GALK2: variants seen among roughly 807,000 people sequenced by gnomAD.
GALK2 encodes the protein galactokinase 2, also known as N-acetylgalactosamine kinase.
A neutral mutation model predicts 52.4 loss-of-function variants in GALK2; 36 were observed. That is an observed-to-expected ratio of 0.69 (90% CI 0.53 to 0.91). The LOEUF is 0.91. Among genes scored for constraint, GALK2 ranks in the 40% least tolerant of loss-of-function variants. The probability of loss-of-function intolerance (pLI) is 0.00; values close to 1 mark genes in which losing one functional copy is unlikely to be tolerated. For missense variants in GALK2, 579 were observed against 559.1 expected (o/e 1.04, Z -0.36); for synonymous variants, 176 against 199.1 (o/e 0.88, Z 0.98).
intron 5 of GALK2, among the ~76,000 whole-genome samples, chr15:49,246,765 A>C (rs1225144603): frequency 6.6e-6 from 1 of 152,310 alleles, no homozygotes; most frequent in East Asian, 1.9e-4. Flanking sequence ...AATAACATGT[A>C]TAATACTGGA....
At chr15:49,349,232 A>G (rs1035945842) in intron 3 of GALK2, among the ~76,000 whole-genome samples, 3 of 152,186 alleles carry the variant, frequency 2.0e-5, no homozygotes, top group African/African-American at 7.2e-5. Context: ...GTGGCTGACA[A>G]TACTTACAAT....
chr15:49,164,729 C>T (rs975070022), intron 1 of GALK2, among the ~76,000 whole-genome samples: 3 of 140,410 alleles, frequency 2.1e-5, no homozygotes, highest in African/African-American at 5.5e-5. Flanking sequence ...TGCAGTGAGC[C>T]GAGATCATGC....
In GALK2 at chr15:49,274,754, A is replaced by T. The variant is rs183858720; in HGVS notation, c.505-7233A>T. ...CTGTGAGCTCTTTTCTATTTTTAAAATTTTTTAATTTTTTAACGTTTTAAA... is the reference window on the plus strand; with the variant it reads ...CTGTGAGCTCTTTTCTATTTTTAAATTTTTTTAATTTTTTAACGTTTTAAA... On this transcript the variant is annotated intron_variant, in intron 5 of 9. Coordinates refer to ENST00000560031, the MANE Select transcript of GALK2 (RefSeq NM_002044.4). 8.2e-3 allele frequency among the ~76,000 whole-genome samples: 1,248 copies of T among 152,212 alleles called. 22 individuals are homozygous for T. The highest frequency in any genetic ancestry group is 0.029 in the African/African-American group (1,199 of 41,530).
Position 49,329,222 on chromosome 15 carries a change from G to A in GALK2, c.*1063G>A, listed in dbSNP as rs752246309. On this transcript the variant is annotated 3_prime_UTR_variant, in exon 10 of 10. Transcript: ENST00000560031. ...GAATTCTGGGATTTGTAATGGTATT[G>A]ATGGGTATCTCTGTATGTATATCAA... The A allele has an allele frequency of 3.5e-5, 35 of 986,314 alleles. No homozygotes were observed. Among genetic ancestry groups the A allele is most frequent in the Non-Finnish European group, 3.9e-5 (32 of 830,658 alleles). The allele number at this position is 986,314 out of a possible 1,614,324, so 61.1% of individuals were successfully genotyped here. A position where few individuals can be genotyped will look rare whatever the true frequency, so the allele number is the denominator to read the frequency against.
At chr15:49,261,223 TG>T (rs1239430602) in intron 5 of GALK2, among the ~76,000 whole-genome samples, 1 of 148,924 alleles carries the variant, frequency 6.7e-6, no homozygotes, top group Non-Finnish European at 1.5e-5. Flanking sequence ...TCCATTTGTT[TG>T]TATCCTCTTT....
intron 8 of GALK2, among the ~76,000 whole-genome samples, chr15:49,294,665 A>C (rs1024164055): frequency 6.6e-6 from 1 of 152,188 alleles, no homozygotes; most frequent in Non-Finnish European, 1.5e-5. Context: ...TAATCAGGAC[A>C]CAGTCTCTAC....
At chr15:49,229,261 G>A (rs2090366647) in intron 3 of GALK2, among the ~76,000 whole-genome samples, 3 of 152,290 alleles carry the variant, frequency 2.0e-5, no homozygotes, top group African/African-American at 4.8e-5. Context: ...GATTTCCTCA[G>A]TGACTTAGGA....
At chr15:49,335,420 T>A, downstream of GALK2, 1 of 1,597,758 alleles carries the variant, frequency 6.3e-7, no homozygotes, top group Non-Finnish European at 8.6e-7. Flanking sequence ...TCAACTTACA[T>A]CCTAAAATCC....
At chr15:49,222,125 G>A (rs2089840811) in intron 3 of GALK2, among the ~76,000 whole-genome samples, 1 of 151,764 alleles carries the variant, frequency 6.6e-6, no homozygotes, top group South Asian at 2.1e-4. Flanking sequence ...CATCTCCTTG[G>A]TTAAATTTAT....
chr15:49,339,869 C>T (rs1362714514), intron 3 of GALK2, among the ~76,000 whole-genome samples: 2 of 152,256 alleles, frequency 1.3e-5, no homozygotes, highest in East Asian at 1.9e-4. Flanking sequence ...TGCTGAGCTG[C>T]GGTGGGCTCC....
At position 49,330,738 on chromosome 15, in the gene GALK2, T is replaced by C. The variant is rs965509541; in HGVS notation, c.*2579T>C. On this transcript the variant is annotated 3_prime_UTR_variant, in exon 10 of 10. Transcript: ENST00000560031. ...ATGTCCCTATCAATAGTAGGGAAGA[T>C]AGACCAAAAAAAAAAAAAAAGAGAG... The C allele has an allele frequency of 7.0e-6, 1 of 141,862 alleles. No homozygotes were observed. Among genetic ancestry groups the C allele is most frequent in the Non-Finnish European group, 1.5e-5 (1 of 66,154 alleles). The allele number at this position is 141,862 out of a possible 1,614,324, so 8.8% of individuals were successfully genotyped here.
At chr15:49,308,818 G>T (rs1461302658) in intron 8 of GALK2, among the ~76,000 whole-genome samples, 1 of 152,240 alleles carries the variant, frequency 6.6e-6, no homozygotes, top group Non-Finnish European at 1.5e-5. Flanking sequence ...GAACTTGGAA[G>T]GTTGCTCTGG....
intron 5 of GALK2, among the ~76,000 whole-genome samples, chr15:49,252,062 T>C (rs2091626067): frequency 6.6e-6 from 1 of 152,118 alleles, no homozygotes; most frequent in South Asian, 2.1e-4. Context: ...GGTCAGGAGT[T>C]TGAGACCACC....
At chr15:49,175,727 AG>A (rs1210313069) in intron 1 of GALK2, among the ~76,000 whole-genome samples, 1 of 152,230 alleles carries the variant, frequency 6.6e-6, no homozygotes, top group Non-Finnish European at 1.5e-5. Flanking sequence ...ACTAAAAGGC[AG>A]AAATGAAATC....
In GALK2 at chr15:49,331,756, A is replaced by G. The variant is rs1161456086; in HGVS notation, c.*3597A>G. On this transcript the variant is annotated 3_prime_UTR_variant, in exon 10 of 10. Coordinates refer to ENST00000560031, the MANE Select transcript of GALK2 (RefSeq NM_002044.4). ...AAAGAAGCTAGAGAGAGAATTCTCA[A>G]TTATTTTCAGAAAGAAAACCTACCA... 7.0e-7 allele frequency: 1 copy of G among 1,430,920 alleles called. No homozygotes were observed. Among genetic ancestry groups the G allele is most frequent in the Non-Finnish European group, 9.9e-7 (1 of 1,013,604 alleles). 88.6% of individuals were successfully genotyped at this position (1,430,920 alleles called of 1,614,324 possible).
chr15:49,174,472 A>G (rs924225588), intron 1 of GALK2, among the ~76,000 whole-genome samples: 1 of 152,072 alleles, frequency 6.6e-6, no homozygotes. Flanking sequence ...CAGCCTCCCA[A>G]GTAGCTGGGA....
intron 3 of GALK2, chr15:49,366,204 A>G (rs772543862): frequency 2.5e-6 from 2 of 796,406 alleles, no homozygotes; most frequent in Non-Finnish European, 2.3e-6. Context: ...GATGGAGAAC[A>G]CATTTTCACA....
chr15:49,366,248 A>C (rs2045164170), intron 3 of GALK2: 1 of 786,418 alleles, frequency 1.3e-6, no homozygotes, highest in South Asian at 1.3e-5. Flanking sequence ...CTTCATATCT[A>C]TAAAGTCTTT....
rs1452544931 is a variant in GALK2, at chr15:49,328,665, G to A, written c.*506G>A. The stretch of plus-strand genomic sequence containing the variant: ...TGCCACACATTCTCTCTCAATTTCA[G>A]CTTCGGAACGCTATGAAAATAATAC... On this transcript the variant is annotated 3_prime_UTR_variant, in exon 10 of 10. Transcript: ENST00000560031. 3 of 1,559,848 alleles carry A rather than the reference G, an allele frequency of 1.9e-6. No individual in the cohort carries two copies. The East Asian group carries it at 7.1e-5, about 37-fold the overall frequency.
Sources: allele counts gnomAD v4.1 joint callset (sites outside exome capture counted in the v4.1 genomes callset), GRCh38; gene constraint gnomAD v4.1.1; transcripts MANE v1.5; gene names NCBI Gene and HGNC (gene_info 2026-07-23, HGNC 2026-07-21).